Variants in RGS7 observed in about 807,000 individuals in gnomAD.
RGS7 encodes the protein regulator of G-protein signaling 7.
Under a neutral mutation model 81.1 loss-of-function variants are expected in RGS7, and 27 were observed. The observed-to-expected ratio is 0.33, with a 90% CI of 0.25 to 0.46. The LOEUF (loss-of-function observed/expected upper bound fraction) is 0.46, where lower values mean the gene tolerates loss of function less well. Ranked by LOEUF, RGS7 falls within the 20% of genes least tolerant of loss-of-function variation. The pLI, the probability that RGS7 is intolerant of heterozygous loss-of-function variation, is 1.00. For missense variants in RGS7, 396 were observed against 607.4 expected (o/e 0.65, Z 3.66); for synonymous variants, 208 against 207.7 (o/e 1.00, Z -0.01).
At chr1:240,924,912 A>G (rs145110977) in intron 6 of RGS7, among the ~76,000 whole-genome samples, 5 of 152,320 alleles carry the variant, frequency 3.3e-5, no homozygotes, top group East Asian at 1.9e-4. Flanking sequence ...TGAAAAAAAT[A>G]AAAATTAATG....
chr1:240,976,230 G>C (rs1204681952), intron 4 of RGS7, among the ~76,000 whole-genome samples: 1 of 152,230 alleles, frequency 6.6e-6, no homozygotes, highest in African/African-American at 2.4e-5. Context: ...GGTCTGATTA[G>C]TTGCTGTGCC....
chr1:240,914,611 C>T (rs906456473), intron 6 of RGS7, among the ~76,000 whole-genome samples: 13 of 152,106 alleles, frequency 8.5e-5, no homozygotes, highest in African/African-American at 1.4e-4. Flanking sequence ...TAAAAAAGAA[C>T]GAAAAGCAGA....
intron 2 of RGS7, among the ~76,000 whole-genome samples, chr1:241,112,450 A>G (rs1417807692): frequency 6.6e-6 from 1 of 152,184 alleles, no homozygotes; most frequent in Non-Finnish European, 1.5e-5. Flanking sequence ...AAATGAAATT[A>G]AAAAGGGATT....
intron 3 of RGS7, among the ~76,000 whole-genome samples, chr1:241,053,129 C>T (rs548586568): frequency 6.6e-6 from 1 of 152,102 alleles, no homozygotes; most frequent in African/African-American, 2.4e-5. Flanking sequence ...AAGTGGTTCA[C>T]CAGAATCCAG....
intron 2 of RGS7, among the ~76,000 whole-genome samples, chr1:241,130,204 T>A (rs1042235567): frequency 6.6e-6 from 1 of 152,106 alleles, no homozygotes; most frequent in Admixed American, 6.6e-5. Flanking sequence ...AGGTTAGAAT[T>A]TTTCTAGCCC....
At chr1:240,900,247 A>G (rs140862487) in intron 6 of RGS7, among the ~76,000 whole-genome samples, 19,433 of 152,112 alleles carry the variant, frequency 0.13, 1,354 homozygotes, top group Middle Eastern at 0.18. Flanking sequence ...CCTTTAGCTC[A>G]GAGAAGTTTG....
At chr1:240,801,775 G>A (rs1688063116) in intron 16 of RGS7, among the ~76,000 whole-genome samples, 1 of 152,118 alleles carries the variant, frequency 6.6e-6, no homozygotes, top group Admixed American at 6.6e-5. Flanking sequence ...CCAAAATAAA[G>A]TGGATATGTG....
chr1:240,928,004 C>CT (rs1448235907), intron 6 of RGS7, among the ~76,000 whole-genome samples: 5 of 152,200 alleles, frequency 3.3e-5, no homozygotes, highest in Non-Finnish European at 7.4e-5. Context: ...TCCAAGGTGT[C>CT]TAGTTGATGA....
intron 2 of RGS7, among the ~76,000 whole-genome samples, chr1:241,211,995 C>A (rs1272660449): frequency 6.6e-6 from 1 of 151,240 alleles, no homozygotes; most frequent in East Asian, 1.9e-4. Flanking sequence ...GTGTATTCAC[C>A]CATTAATCAT....
chr1:240,929,087 GA>G (rs1674968690), intron 6 of RGS7, among the ~76,000 whole-genome samples: 1 of 152,176 alleles, frequency 6.6e-6, no homozygotes, highest in Non-Finnish European at 1.5e-5. Context: ...ATTTCTGTTT[GA>G]AAAGTGAGCA....
intron 2 of RGS7, among the ~76,000 whole-genome samples, chr1:241,221,665 T>C (rs1031273411): frequency 2.0e-5 from 3 of 152,180 alleles, no homozygotes; most frequent in Non-Finnish European, 4.4e-5. Context: ...ATAAAACAGA[T>C]TGCCTACAAG....
chr1:241,105,843 A>C (rs1340329342), intron 2 of RGS7, among the ~76,000 whole-genome samples: 1 of 152,234 alleles, frequency 6.6e-6, no homozygotes, highest in Non-Finnish European at 1.5e-5. Context: ...TCTGCCTTAC[A>C]ACCACCATTA....
chr1:240,832,136 G>A (rs192611405), intron 9 of RGS7, among the ~76,000 whole-genome samples: 220 of 152,188 alleles, frequency 1.4e-3, no homozygotes, highest in African/African-American at 4.9e-3. Flanking sequence ...CGTGAAATTC[G>A]TAAAATTGGT....
chr1:240,892,837 T>C (rs548990001), intron 6 of RGS7, among the ~76,000 whole-genome samples: 2 of 152,284 alleles, frequency 1.3e-5, no homozygotes, highest in South Asian at 4.1e-4. Flanking sequence ...GGCTGCCTGA[T>C]TTGGAAATCA....
chr1:241,181,955 A>AC (rs1420207186), intron 2 of RGS7, among the ~76,000 whole-genome samples: 7 of 152,172 alleles, frequency 4.6e-5, no homozygotes, highest in African/African-American at 1.7e-4. Flanking sequence ...CCTGCCCCCC[A>AC]AAGTGCTGGA....
chr1:241,354,711 A>AG (rs1411876307), intron 2 of RGS7, among the ~76,000 whole-genome samples: 4 of 152,104 alleles, frequency 2.6e-5, no homozygotes, highest in Non-Finnish European at 5.9e-5. Context: ...AACATCTTGA[A>AG]CTCTTCAATG....
chr1:240,797,970 A>C (rs1443275972), intron 18 of RGS7, among the ~76,000 whole-genome samples: 3 of 152,326 alleles, frequency 2.0e-5, no homozygotes, highest in Middle Eastern at 3.4e-3. Context: ...ATTAATGAAA[A>C]GAATAAGAAT....
chr1:240,821,110 G>A (rs1489472773), intron 10 of RGS7, among the ~76,000 whole-genome samples: 3 of 152,094 alleles, frequency 2.0e-5, no homozygotes, highest in Non-Finnish European at 4.4e-5. Context: ...CACACCTCTG[G>A]GCAAGCTTGA....
chr1:240,866,194 C>A (rs369473157), intron 9 of RGS7, among the ~76,000 whole-genome samples: 1 of 152,170 alleles, frequency 6.6e-6, no homozygotes, highest in African/African-American at 2.4e-5. Flanking sequence ...CATGACAACC[C>A]GAAGCTCTAT....
Sources: allele counts gnomAD v4.1 joint callset (sites outside exome capture counted in the v4.1 genomes callset), GRCh38; gene constraint gnomAD v4.1.1; transcripts MANE v1.5; gene names NCBI Gene and HGNC (gene_info 2026-07-23, HGNC 2026-07-21).